Variants in QDPR observed in about 807,000 individuals in gnomAD.
QDPR encodes dihydropteridine reductase.
Under a neutral mutation model 31.7 loss-of-function variants are expected in QDPR, and 23 were observed. The ratio of observed to expected loss-of-function variants is 0.73; its 90% CI spans 0.52 to 1.03. The LOEUF (loss-of-function observed/expected upper bound fraction) is 1.03, where lower values mean the gene tolerates loss of function less well. Among genes scored for constraint, QDPR ranks in the 50% least tolerant of loss-of-function variants. The pLI is 0.00. For synonymous variants in QDPR, 124 were observed against 124.7 expected (o/e 0.99, Z 0.03); for missense variants, 324 against 323.8 (o/e 1.00, Z 0.00).
In QDPR at chr4:17,486,691, A is replaced by C; in HGVS notation, c.*440T>G. 1 of 218,656 alleles carries C rather than the reference A, an allele frequency of 4.6e-6. No homozygotes were observed. 13.5% of individuals were successfully genotyped at this position (218,656 alleles called of 1,614,324 possible). A position where few individuals can be genotyped will look rare whatever the true frequency, so the allele number is the denominator to read the frequency against. On this transcript the variant is annotated 3_prime_UTR_variant, in exon 7 of 7. Transcript: ENST00000281243. ...TTTTGCTTATACCACAAAAGGAGTT[A>C]AGGCAGTTTAATTCAAGGATGCGAA... is the stretch of plus-strand genomic sequence containing the variant.
intron 1 of QDPR, 101 bp from the exon 2 acceptor site, chr4:17,509,464 C>G: frequency 9.8e-7 from 1 of 1,022,552 alleles, no homozygotes; most frequent in South Asian, 1.3e-5. Flanking sequence ...TAGTGGTTCA[C>G]GTCTGTAATG....
At chr4:17,492,121 C>A (rs935709910) in intron 5 of QDPR, 111 bp downstream of exon 5, 8 of 781,096 alleles carry the variant, frequency 1.0e-5, no homozygotes, top group African/African-American at 6.9e-5. Context: ...TGTTTCAGAA[C>A]CAGAGGTGAG....
intron 4 of QDPR, among the ~76,000 whole-genome samples, chr4:17,493,467 C>A (rs929630509): frequency 1.3e-5 from 2 of 152,134 alleles, no homozygotes; most frequent in Admixed American, 6.5e-5. Context: ...AGTCACAAGT[C>A]CTGGGCCACT....
chr4:17,500,316 T>C (rs1718516827), intron 4 of QDPR, among the ~76,000 whole-genome samples: 1 of 152,164 alleles, frequency 6.6e-6, no homozygotes, highest in Non-Finnish European at 1.5e-5. Context: ...ACTTTCTGCC[T>C]CCCTATGCTG....
At position 17,500,714 on chromosome 4, in the gene QDPR, G is replaced by C. The variant is rs937902563; in HGVS notation, c.436+1005C>G. On this transcript the variant is annotated intron_variant, in intron 4 of 6. Coordinates refer to ENST00000281243, the MANE Select transcript of QDPR (RefSeq NM_000320.3). ...CTCTGTTGTTTAGGCCACCCAGTCT[G>C]TGGCTACCCAAACAAACTAATACAG... Among the ~76,000 whole-genome samples the C allele has an allele frequency of 4.3e-4, 65 of 152,206 alleles. 1 individual carries two copies. Among genetic ancestry groups the C allele is most frequent in the African/African-American group, 1.5e-3 (63 of 41,456 alleles).
Position 17,490,741 on chromosome 4 carries a change from T to A in QDPR, c.550A>T (p.Thr184Ser). 6.2e-7 allele frequency: 1 copy of A among 1,613,328 alleles called. No homozygotes were observed. Among genetic ancestry groups the A allele is most frequent in the Non-Finnish European group, 8.5e-7 (1 of 1,179,480 alleles). ...TTCCTGTTCATCGGGGTATCCAGGG[T>A]AACCCTGCAATGGACACAGATAAGC... Reference protein sequence around the residue: ...GAAAIAVLPVTLDTPMNRKSM... With the variant: ...GAAAIAVLPVSLDTPMNRKSM... The change falls in exon 6 of 7, where the codon ACC (threonine) becomes TCC (serine). Residue 184 changes from threonine to serine, a missense_variant. By Grantham distance (58) the Thr-to-Ser change is moderately conservative. Transcript: ENST00000281243.
At chr4:17,502,785 C>T (rs987169127) in intron 3 of QDPR, among the ~76,000 whole-genome samples, 20 of 152,154 alleles carry the variant, frequency 1.3e-4, no homozygotes, top group African/African-American at 4.6e-4. Context: ...AGATTATCAA[C>T]GAAGGACTAA....
In QDPR at chr4:17,492,378, C is replaced by T. The variant is rs369004414; in HGVS notation, c.437-38G>A. Reference sequence around the variant, plus strand: ...GAGAAGATGGCTCAGTGACCACTGGCGGCCAGGGGGACAGCAAGGACATGC... The same window carrying T: ...GAGAAGATGGCTCAGTGACCACTGGTGGCCAGGGGGACAGCAAGGACATGC... On this transcript the variant is annotated intron_variant, in intron 4 of 6. Transcript: ENST00000281243. The T allele has an allele frequency of 2.2e-4, 331 of 1,516,866 alleles. 2 individuals are homozygous for T. The highest frequency in any genetic ancestry group is 2.8e-4 in the Non-Finnish European group (305 of 1,093,028). The allele number at this position is 1,516,866 out of a possible 1,614,324, so 94.0% of individuals were successfully genotyped here.
At chr4:17,508,885 G>A (rs566334163) in intron 2 of QDPR, among the ~76,000 whole-genome samples, 7 of 152,150 alleles carry the variant, frequency 4.6e-5, no homozygotes, top group African/African-American at 9.7e-5. Flanking sequence ...CAGGCCAGGC[G>A]CGGTGGCTCA....
chr4:17,493,151 T>C (rs1166914226), intron 4 of QDPR, among the ~76,000 whole-genome samples: 1 of 152,140 alleles, frequency 6.6e-6, no homozygotes, highest in Middle Eastern at 3.2e-3. Flanking sequence ...ACAATTCAAT[T>C]AGAACTCCCA....
chr4:17,489,322 C>T (rs1045757586), intron 6 of QDPR, among the ~76,000 whole-genome samples: 3 of 152,262 alleles, frequency 2.0e-5, no homozygotes, highest in East Asian at 1.9e-4. Context: ...TGGCTCAGCA[C>T]GAGTTCAGAC....
chr4:17,495,950 G>A (rs1357119180), intron 4 of QDPR, among the ~76,000 whole-genome samples: 2 of 152,060 alleles, frequency 1.3e-5, no homozygotes, highest in Non-Finnish European at 2.9e-5. Flanking sequence ...GGTCGAGGCT[G>A]CAGTGAGCCA....
At chr4:17,508,447 ACAAT>A (rs1228671848) in intron 2 of QDPR, among the ~76,000 whole-genome samples, 1 of 152,208 alleles carries the variant, frequency 6.6e-6, no homozygotes, top group Non-Finnish European at 1.5e-5. Flanking sequence ...AAAACAAAAA[ACAAT>A]AATAATCAGA....
At chr4:17,493,913 T>G (rs1366576549) in intron 4 of QDPR, among the ~76,000 whole-genome samples, 3 of 152,160 alleles carry the variant, frequency 2.0e-5, no homozygotes, top group Non-Finnish European at 4.4e-5. Flanking sequence ...TAAACTCAGG[T>G]GTGATCCAGA....
chr4:17,487,265 T>C, intron 6 of QDPR, 29 bp from the exon 7 acceptor site: 1 of 1,591,746 alleles, frequency 6.3e-7, no homozygotes, highest in Non-Finnish European at 8.6e-7. Flanking sequence ...GTTTTTTTTA[T>C]ATTCTCAAAG....
Position 17,504,467 on chromosome 4 carries a change from A to G in QDPR, c.207T>C (p.Ala69=). 6.2e-7 allele frequency: 1 copy of G among 1,614,136 alleles called. No individual in the cohort carries two copies. Among genetic ancestry groups the G allele is most frequent in the Non-Finnish European group, 8.5e-7 (1 of 1,179,934 alleles). ...CTTCACCCAAGAGCTTTCCAACCTC[A>G]GCAGTCACCTTCAACACAAGAACAA... ...SFTEQADQVT[A]EVGKLLGEEK... Residue 69 remains alanine, a synonymous_variant, in exon 3 of 7, where the codon GCT becomes GCC. Coordinates refer to ENST00000281243, the MANE Select transcript of QDPR (RefSeq NM_000320.3).
At position 17,512,058 on chromosome 4, in the gene QDPR, G is replaced by T. The variant is rs1165941175; in HGVS notation, c.-4C>A. 1.3e-6 allele frequency: 2 copies of T among 1,592,894 alleles called. No individual in the cohort carries two copies. Among genetic ancestry groups the T allele is most frequent in the East Asian group, 2.3e-5 (1 of 43,552 alleles). On this transcript the variant is annotated 5_prime_UTR_variant, in exon 1 of 7. Transcript: ENST00000281243. ...CTGCAGCCGCCGCCGCCGCCATCCT[G>T]CTCCTGCCAGCCCGGCTCCCGCAGC...
intron 4 of QDPR, among the ~76,000 whole-genome samples, chr4:17,495,640 G>A (rs1202395323): frequency 1.3e-5 from 2 of 152,194 alleles, no homozygotes; most frequent in Non-Finnish European, 2.9e-5. Context: ...CCAGAAGAAT[G>A]TAAGTTCCAC....
At chr4:17,492,378 C>A in intron 4 of QDPR, 38 bp from the exon 5 acceptor site, 1 of 1,516,876 alleles carries the variant, frequency 6.6e-7, no homozygotes, top group Non-Finnish European at 9.1e-7. Flanking sequence ...TGACCACTGG[C>A]GGCCAGGGGG....
Sources: allele counts gnomAD v4.1 joint callset (sites outside exome capture counted in the v4.1 genomes callset), GRCh38; gene constraint gnomAD v4.1.1; transcripts MANE v1.5; gene names NCBI Gene and HGNC (gene_info 2026-07-23, HGNC 2026-07-21).